SLIT2: variants seen among roughly 807,000 people sequenced by gnomAD.
SLIT2 encodes the protein slit homolog 2 protein.
In SLIT2, 41 loss-of-function variants were observed where a neutral mutation model predicts 185.7. The observed-to-expected ratio is 0.22, with a 90% CI of 0.17 to 0.29. The LOEUF is 0.29. Ranked by LOEUF, SLIT2 falls within the 10% of genes least tolerant of loss-of-function variation. The pLI, the probability that SLIT2 is intolerant of heterozygous loss-of-function variation, is 1.00. For missense variants in SLIT2, 1,571 were observed against 1,909.0 expected (o/e 0.82, Z 3.30); for synonymous variants, 693 against 680.2 (o/e 1.02, Z -0.29).
At chr4:20,423,802 T>C (rs1728347871) in intron 4 of SLIT2, among the ~76,000 whole-genome samples, 1 of 152,168 alleles carries the variant, frequency 6.6e-6, no homozygotes. Context: ...ATTCTAAGCT[T>C]ACTCTGTATT....
At chr4:20,349,011 C>T (rs1478339779) in intron 4 of SLIT2, among the ~76,000 whole-genome samples, 3 of 152,184 alleles carry the variant, frequency 2.0e-5, no homozygotes, top group Non-Finnish European at 1.5e-5. Context: ...GTAGTAGAGT[C>T]AACTCCATCT....
intron 18 of SLIT2, among the ~76,000 whole-genome samples, chr4:20,536,198 ATGAG>A (rs1211665569): frequency 2.0e-5 from 3 of 152,180 alleles, no homozygotes; most frequent in African/African-American, 7.2e-5. Flanking sequence ...GGGTGAGTGA[ATGAG>A]TGAGTGGTGA....
intron 4 of SLIT2, among the ~76,000 whole-genome samples, chr4:20,282,593 C>A (rs1160836461): frequency 2.0e-5 from 3 of 152,126 alleles, no homozygotes; most frequent in African/African-American, 7.2e-5. Context: ...GAAAAGTGTT[C>A]TGTGGTCAAA....
intron 3 of SLIT2, 71 bp downstream of exon 3, chr4:20,258,010 C>T: frequency 1.3e-6 from 1 of 768,482 alleles, no homozygotes; most frequent in East Asian, 2.6e-5. Context: ...TTTCAAGCAT[C>T]ATGTCTTCAA....
intron 4 of SLIT2, among the ~76,000 whole-genome samples, chr4:20,366,127 G>A (rs890455067): frequency 6.6e-6 from 1 of 152,088 alleles, no homozygotes. Context: ...TGTGCCTCTT[G>A]TCATTCTTAA....
chr4:20,485,713 A>G (rs1006655012), intron 6 of SLIT2, among the ~76,000 whole-genome samples: 1 of 152,208 alleles, frequency 6.6e-6, no homozygotes, highest in Non-Finnish European at 1.5e-5. Flanking sequence ...GGTAAATAAT[A>G]GTTATCAGGA....
intron 4 of SLIT2, among the ~76,000 whole-genome samples, chr4:20,324,094 T>C (rs1448361112): frequency 6.6e-6 from 1 of 152,002 alleles, no homozygotes; most frequent in Non-Finnish European, 1.5e-5. Context: ...AGCATAGGGG[T>C]GGCGAAACAG....
At chr4:20,533,854 A>G in intron 18 of SLIT2, 139 bp downstream of exon 18, 1 of 708,506 alleles carries the variant, frequency 1.4e-6, no homozygotes, top group South Asian at 1.8e-5. Flanking sequence ...TTACACACAC[A>G]TACACACCGC....
rs1261323547 is a variant in SLIT2 at position 20,528,077 on chromosome 4, G to A, written c.1463-872G>A. Among the ~76,000 whole-genome samples the A allele has an allele frequency of 6.6e-6, 1 of 152,064 alleles. No individual in the cohort carries two copies. Among genetic ancestry groups the A allele is most frequent in the African/African-American group, 2.4e-5 (1 of 41,376 alleles). The stretch of plus-strand genomic sequence containing the variant: ...CATTCTGCAGTTCTGAGGAATGGTG[G>A]AGGCACCTTTTCCATATAGCCCCTT... On this transcript the variant is annotated intron_variant, in intron 15 of 36. Transcript: ENST00000504154. The surrounding 1 kb of genome is among the most constrained non-coding windows in gnomAD (Gnocchi z 4.2).
intron 36 of SLIT2, among the ~76,000 whole-genome samples, chr4:20,617,994 T>A (rs1026835791): frequency 6.6e-6 from 1 of 152,212 alleles, no homozygotes; most frequent in Non-Finnish European, 1.5e-5. Context: ...TGTCTTACCT[T>A]TACCGGCTGT....
intron 4 of SLIT2, among the ~76,000 whole-genome samples, chr4:20,466,541 T>C (rs1714374262): frequency 1.3e-5 from 2 of 152,212 alleles, no homozygotes; most frequent in Admixed American, 1.3e-4. Context: ...GAGATATAAA[T>C]GCAATTCTTC....
chr4:20,479,156 C>T (rs1716433551), intron 5 of SLIT2, among the ~76,000 whole-genome samples: 1 of 152,094 alleles, frequency 6.6e-6, no homozygotes, highest in Non-Finnish European at 1.5e-5. Context: ...GTACCATTTG[C>T]ATGACATCAA....
chr4:20,373,423 C>T (rs1723755320), intron 4 of SLIT2, among the ~76,000 whole-genome samples: 1 of 151,948 alleles, frequency 6.6e-6, no homozygotes, highest in Admixed American at 6.6e-5. Flanking sequence ...GATAAAAGTG[C>T]TTCCACTTTC....
intron 4 of SLIT2, among the ~76,000 whole-genome samples, chr4:20,399,287 GA>G (rs1206817925): frequency 1.3e-5 from 2 of 151,536 alleles, no homozygotes; most frequent in Non-Finnish European, 3.0e-5. Flanking sequence ...TCAAGTTACA[GA>G]AGAATTTTAA....
rs1271279922 is a variant in SLIT2 at position 20,518,557 on chromosome 4, G to GTGTGTATATATATATATATATATATATA, written c.1059-824_1059-823insGTGTATATATATATATATATATATATAT. Among the ~76,000 whole-genome samples the GTGTGTATATATATATATATATATATATA allele has an allele frequency of 2.8e-4, 5 of 17,860 alleles. 1 individual carries two copies. The highest frequency in any genetic ancestry group is 4.7e-4 in the Non-Finnish European group (5 of 10,546). 11.7% of individuals were successfully genotyped at this position (17,860 alleles called of 152,430 possible). A position where few individuals can be genotyped will look rare whatever the true frequency, so the allele number is the denominator to read the frequency against. On this transcript the variant is annotated intron_variant, in intron 11 of 36. Transcript: ENST00000504154. ...ATGAGCCACTGTGCCCAGCCTATAT[G>GTGTGTATATATATATATATATATATATA]TATATATATATATATATATATATAT...
intron 4 of SLIT2, among the ~76,000 whole-genome samples, chr4:20,332,849 C>T (rs1023019861): frequency 6.6e-6 from 1 of 151,972 alleles, no homozygotes; most frequent in African/African-American, 2.4e-5. Context: ...ATGGTTCTTA[C>T]CTTACCATTC....
intron 4 of SLIT2, among the ~76,000 whole-genome samples, chr4:20,276,456 C>G (rs969510825): frequency 1.3e-5 from 2 of 152,088 alleles, no homozygotes; most frequent in Non-Finnish European, 2.9e-5. Context: ...AAAGACCAGT[C>G]CTTGACAACA....
At chr4:20,266,927 G>A (rs1199990258) in intron 3 of SLIT2, among the ~76,000 whole-genome samples, 1 of 151,930 alleles carries the variant, frequency 6.6e-6, no homozygotes, top group East Asian at 1.9e-4. Flanking sequence ...CAGGGCCCAG[G>A]GGCTTGCCGA....
chr4:20,584,589 G>A (rs1272509168), intron 29 of SLIT2, among the ~76,000 whole-genome samples: 1 of 152,228 alleles, frequency 6.6e-6, no homozygotes, highest in African/African-American at 2.4e-5. Flanking sequence ...CAGATATTCA[G>A]TAAGTAGCAT....
Sources: gnomAD v4.1 joint callset for allele counts (sites outside exome capture counted in the v4.1 genomes callset) on GRCh38, gnomAD v4.1.1 for gene constraint, Gnocchi (gnomAD v3.1) non-coding constraint, MANE v1.5 for transcripts, NCBI Gene and HGNC (gene_info 2026-07-23, HGNC 2026-07-21) for gene names.